The following PAMR1 variants were observed in gnomAD, a reference collection of about 807,000 sequenced individuals.
PAMR1 encodes the protein peptidase domain containing associated with muscle regeneration 1.
In PAMR1, 88 loss-of-function variants were observed where a neutral mutation model predicts 81.8. The observed-to-expected ratio is 1.08, with a 90% CI of 0.91 to 1.28. The LOEUF is 1.28. Among genes scored for constraint, PAMR1 ranks in the 50% most tolerant of loss-of-function variants. The pLI, the probability that PAMR1 is intolerant of heterozygous loss-of-function variation, is 0.00. For missense variants in PAMR1, 935 were observed against 919.7 expected, an observed-to-expected ratio of 1.02 and a Z score of -0.21; for synonymous variants, 336 against 345.3, an observed-to-expected ratio of 0.97 and a Z score of 0.30.
In PAMR1 at chr11:35,435,792, A is replaced by G. The variant is rs191103623; in HGVS notation, c.1333+111T>C. The G allele has an allele frequency of 5.2e-3, 4,003 of 767,056 alleles. 21 individuals are homozygous for G. The highest frequency in any genetic ancestry group is 5.9e-3 in the Non-Finnish European group (2,685 of 452,610). 47.5% of individuals were successfully genotyped at this position (767,056 alleles called of 1,614,324 possible). Reference sequence around the variant, plus strand: ...TAACTATGGAATTTCAGATATCACCAAACTAGAGAAAGCACTGGAGATGCT... The same window carrying G: ...TAACTATGGAATTTCAGATATCACCGAACTAGAGAAAGCACTGGAGATGCT... On this transcript the variant is annotated intron_variant, in intron 9 of 10. Coordinates refer to ENST00000619888, the MANE Select transcript of PAMR1 (RefSeq NM_001001991.3).
chr11:35,501,534 T>C (rs1186363217), intron 1 of PAMR1, among the ~76,000 whole-genome samples: 1 of 151,958 alleles, frequency 6.6e-6, no homozygotes, highest in African/African-American at 2.4e-5. Flanking sequence ...TTTTATACTA[T>C]ATGTTTTTTC....
chr11:35,469,363 C>T (rs141526133), intron 5 of PAMR1, among the ~76,000 whole-genome samples: 61 of 152,318 alleles, frequency 4.0e-4, no homozygotes, highest in Admixed American at 1.4e-3. Context: ...TTCTCCTGAC[C>T]GTCCCTCAGT....
intron 5 of PAMR1, 92 bp downstream of exon 5, chr11:35,470,509 T>C: frequency 1.0e-6 from 1 of 967,670 alleles, no homozygotes; most frequent in Non-Finnish European, 1.6e-6. Context: ...TAGGTTTTAA[T>C]AAGGATGAGA....
In PAMR1 at chr11:35,494,163, G is replaced by A. The variant is rs1298920738; in HGVS notation, c.183C>T (p.Val61=). 1 of 1,613,922 alleles carries A rather than the reference G, an allele frequency of 6.2e-7. No homozygotes were observed. The highest frequency in any genetic ancestry group is 1.7e-5 in the Admixed American group (1 of 60,024). The change falls in exon 2 of 11, where the codon GTC becomes GTT. Residue 61 remains valine, a synonymous_variant. Coordinates refer to ENST00000619888, the MANE Select transcript of PAMR1 (RefSeq NM_001001991.3). ...TGCAGCAAGGGATGGTATAACCCAC[G>A]ACTTCCCTCTTTCCGGGGCAGACGC... ...IECVCPGKRE[V]VGYTIPCCRN... is the part of the protein sequence containing the mutation.
intron 5 of PAMR1, among the ~76,000 whole-genome samples, chr11:35,470,186 G>C (rs576694949): frequency 2.0e-5 from 3 of 152,296 alleles, no homozygotes; most frequent in South Asian, 2.1e-4. Flanking sequence ...TTAGGAAACA[G>C]AGGCCCAGTG....
At chr11:35,501,506 A>G (rs1222483639) in intron 1 of PAMR1, among the ~76,000 whole-genome samples, 3 of 152,128 alleles carry the variant, frequency 2.0e-5, no homozygotes, top group Non-Finnish European at 2.9e-5. Flanking sequence ...CAGTTGTACA[A>G]AAATATTTTC....
intron 6 of PAMR1, among the ~76,000 whole-genome samples, chr11:35,456,294 GC>G (rs1224575093): frequency 6.6e-6 from 1 of 152,166 alleles, no homozygotes; most frequent in Admixed American, 6.5e-5. Context: ...CAGGGTCTCA[GC>G]AAATACTAGC....
intron 1 of PAMR1, among the ~76,000 whole-genome samples, chr11:35,508,575 G>C (rs1185543608): frequency 3.1e-5 from 4 of 127,336 alleles, no homozygotes; most frequent in African/African-American, 1.2e-4. Flanking sequence ...ACATGCACAG[G>C]TTTTTTTATG....
intron 6 of PAMR1, among the ~76,000 whole-genome samples, chr11:35,457,265 G>T (rs1036118044): frequency 6.6e-6 from 1 of 151,922 alleles, no homozygotes; most frequent in Non-Finnish European, 1.5e-5. Context: ...ATAAAAAGGT[G>T]CAGGAAGGGA....
intron 6 of PAMR1, chr11:35,452,027 C>A: frequency 2.1e-6 from 1 of 486,244 alleles, no homozygotes; most frequent in Non-Finnish European, 3.6e-6. Flanking sequence ...GAAGGCAAGA[C>A]TGAAAATCAA....
At position 35,434,501 on chromosome 11, in the gene PAMR1, C is replaced by T. The variant is rs778322432; in HGVS notation, c.1626+11G>A. On this transcript the variant is annotated intron_variant, in intron 10 of 10. Transcript: ENST00000619888. Reference sequence around the variant, plus strand: ...CAGAGCCCCAGCTTCCAAGTGCAAGCCCTCTCTTACCTGTAGGCTCTGGAT... The same window carrying T: ...CAGAGCCCCAGCTTCCAAGTGCAAGTCCTCTCTTACCTGTAGGCTCTGGAT... 6.2e-7 allele frequency: 1 copy of T among 1,605,886 alleles called. No homozygotes were observed. Among genetic ancestry groups the T allele is most frequent in the Non-Finnish European group, 8.5e-7 (1 of 1,173,728 alleles).
intron 8 of PAMR1, 69 bp downstream of exon 8, chr11:35,439,558 T>G (rs1856119341): frequency 1.6e-6 from 2 of 1,260,258 alleles, no homozygotes; most frequent in Non-Finnish European, 2.3e-6. Context: ...CAAACACAAG[T>G]GGGGAAGGGG....
intron 3 of PAMR1, among the ~76,000 whole-genome samples, chr11:35,489,345 C>A (rs1243161606): frequency 1.3e-5 from 2 of 152,200 alleles, no homozygotes; most frequent in Non-Finnish European, 2.9e-5. Flanking sequence ...ATTTGAAAGG[C>A]AAACTCTTGA....
At chr11:35,460,948 A>C (rs898870423) in intron 6 of PAMR1, among the ~76,000 whole-genome samples, 1 of 152,118 alleles carries the variant, frequency 6.6e-6, no homozygotes, top group East Asian at 1.9e-4. Context: ...AAGTGTTCCT[A>C]TTTCTCCACA....
chr11:35,460,896 C>T (rs1472453192), intron 6 of PAMR1, among the ~76,000 whole-genome samples: 1 of 152,166 alleles, frequency 6.6e-6, no homozygotes, highest in Non-Finnish European at 1.5e-5. Flanking sequence ...CCACACTCTT[C>T]CACAATGGTT....
intron 1 of PAMR1, among the ~76,000 whole-genome samples, chr11:35,523,554 C>A (rs141806248): frequency 1.4e-4 from 21 of 152,334 alleles, no homozygotes; most frequent in Admixed American, 1.2e-3. Flanking sequence ...AGAAACAACA[C>A]TCTCTGGTAC....
At chr11:35,440,850 G>A (rs72922941) in intron 7 of PAMR1, among the ~76,000 whole-genome samples, 4,128 of 152,006 alleles carry the variant, frequency 0.027, 76 homozygotes, top group Non-Finnish European at 0.046. Flanking sequence ...ATACCATCCC[G>A]ACTCCTCTTC....
At chr11:35,447,207 T>TC (rs1404154255) in intron 6 of PAMR1, among the ~76,000 whole-genome samples, 2 of 148,092 alleles carry the variant, frequency 1.4e-5, no homozygotes, top group African/African-American at 5.0e-5. Flanking sequence ...CATCCCTTTT[T>TC]TTTTTTTTTT....
At chr11:35,527,878 A>G (rs1028453535), upstream of PAMR1, among the ~76,000 whole-genome samples, 1 of 152,094 alleles carries the variant, frequency 6.6e-6, no homozygotes, top group Non-Finnish European at 1.5e-5. Context: ...CTAAACCACC[A>G]GGGCCCACCA....
Sources: allele counts gnomAD v4.1 joint callset (sites outside exome capture counted in the v4.1 genomes callset), GRCh38; gene constraint gnomAD v4.1.1; transcripts MANE v1.5; gene names NCBI Gene and HGNC (gene_info 2026-07-23, HGNC 2026-07-21).